HGD: variants seen among roughly 807,000 people sequenced by gnomAD.
HGD encodes homogentisate oxidase.
HGD carries 61 observed loss-of-function variants against 60.8 expected under a neutral mutation model. That is an observed-to-expected ratio of 1.00 (90% CI 0.82 to 1.24). HGD has a LOEUF of 1.24. Among genes scored for constraint, HGD ranks in the 50% most tolerant of loss-of-function variants. The probability of loss-of-function intolerance (pLI) is 0.00; values close to 1 mark genes in which losing one functional copy is unlikely to be tolerated. For missense variants in HGD, 542 were observed against 547.1 expected, an observed-to-expected ratio of 0.99 and a Z score of 0.09; for synonymous variants, 212 against 187.7, an observed-to-expected ratio of 1.13 and a Z score of -1.06.
rs568012164 is a variant in HGD, at chr3:120,670,156, T to C, written c.282+271A>G. The C allele has an allele frequency of 3.3e-4, 155 of 471,194 alleles. 1 individual carries two copies. The highest frequency in any genetic ancestry group is 2.8e-3 in the African/African-American group (145 of 51,244). The allele number at this position is 471,194 out of a possible 1,614,324, so 29.2% of individuals were successfully genotyped here. On this transcript the variant is annotated intron_variant, in intron 4 of 13. Coordinates refer to ENST00000283871, the MANE Select transcript of HGD (RefSeq NM_000187.4). ...TTCCCTTTCCGCCATGATTGTAAGT[T>C]TCTTGAGGCCTCCTCAGCCATGCAG...
intron 10 of HGD, among the ~76,000 whole-genome samples, chr3:120,643,751 A>G (rs1268652615): frequency 6.6e-6 from 1 of 152,172 alleles, no homozygotes; most frequent in East Asian, 1.9e-4. Context: ...GTAATATATT[A>G]TGTTATAGAG....
Position 120,628,772 on chromosome 3 carries a change from T to C in HGD, c.1189-243A>G, listed in dbSNP as rs554673065. 2.6e-5 allele frequency among the ~76,000 whole-genome samples: 4 copies of C among 152,316 alleles called. No individual in the cohort carries two copies. In the South Asian group the frequency reaches 6.2e-4, roughly 24 times the overall value. ...TCTCAGGGCCTCAAGTTTCATTCTG[T>C]AAAATAAAATTCAGCCCTTAAGCTT... On this transcript the variant is annotated intron_variant, in intron 13 of 13. Transcript: ENST00000283871.
chr3:120,666,541 G>T (rs1707903674), intron 4 of HGD, among the ~76,000 whole-genome samples: 1 of 152,098 alleles, frequency 6.6e-6, no homozygotes, highest in South Asian at 2.1e-4. Flanking sequence ...GTAGTCCAAT[G>T]GTGCAATCTT....
chr3:120,679,116 G>C (rs1299855458), intron 1 of HGD, among the ~76,000 whole-genome samples: 1 of 152,206 alleles, frequency 6.6e-6, no homozygotes, highest in African/African-American at 2.4e-5. Context: ...ATAAATTCCT[G>C]AGCTCCATGT....
At chr3:120,636,949 A>G (rs1236759791) in intron 12 of HGD, among the ~76,000 whole-genome samples, 1 of 152,188 alleles carries the variant, frequency 6.6e-6, no homozygotes, top group Non-Finnish European at 1.5e-5. Flanking sequence ...TTCCAGGTGG[A>G]ATGCCTCTTA....
chr3:120,659,958 T>G (rs1941612902), intron 4 of HGD, among the ~76,000 whole-genome samples: 1 of 145,940 alleles, frequency 6.9e-6, no homozygotes, highest in South Asian at 2.2e-4. Context: ...GGTGGTTGCA[T>G]AATGGGGGTG....
chr3:120,677,992 C>T (rs1469209669), intron 1 of HGD: 1 of 152,178 alleles, frequency 6.6e-6, no homozygotes, highest in East Asian at 1.9e-4. Context: ...CAACAACAGT[C>T]TGTATTTGGA....
intron 12 of HGD, among the ~76,000 whole-genome samples, chr3:120,634,748 G>T (rs1035409416): frequency 6.6e-6 from 1 of 152,102 alleles, no homozygotes; most frequent in Non-Finnish European, 1.5e-5. Context: ...GCTTACATGT[G>T]AAGTATAACC....
intron 4 of HGD, among the ~76,000 whole-genome samples, chr3:120,656,563 T>TG (rs540184739): frequency 0.48 from 71,812 of 148,614 alleles, 18,046 homozygotes; most frequent in East Asian, 0.62. Context: ...ATCTTTTTTT[T>TG]GGGGGGGGGT....
intron 12 of HGD, among the ~76,000 whole-genome samples, chr3:120,637,222 T>G (rs1223379179): frequency 6.6e-6 from 1 of 151,180 alleles, no homozygotes; most frequent in Non-Finnish European, 1.5e-5. Flanking sequence ...TCAGACAGCC[T>G]GCAATTAAAT....
chr3:120,645,215 T>C (rs547018543), intron 9 of HGD, among the ~76,000 whole-genome samples: 7 of 152,266 alleles, frequency 4.6e-5, no homozygotes, highest in African/African-American at 1.2e-4. Context: ...ATGCTGACTA[T>C]AGAGCAGCAG....
At chr3:120,662,551 A>G (rs1454286995) in intron 4 of HGD, among the ~76,000 whole-genome samples, 1 of 152,162 alleles carries the variant, frequency 6.6e-6, no homozygotes, top group East Asian at 1.9e-4. Context: ...ATTTTCAACA[A>G]GTCCCCTGGT....
chr3:120,664,129 T>A (rs1171993049), intron 4 of HGD, among the ~76,000 whole-genome samples: 1 of 151,834 alleles, frequency 6.6e-6, no homozygotes, highest in East Asian at 1.9e-4. Context: ...CCAAATGGGG[T>A]AGGGGATCTA....
intron 10 of HGD, among the ~76,000 whole-genome samples, chr3:120,643,835 TG>T (rs1330397412): frequency 1.3e-5 from 2 of 152,236 alleles, no homozygotes; most frequent in African/African-American, 2.4e-5. Context: ...GCCAGCCTGG[TG>T]GTACAAACCA....
At chr3:120,672,860 C>G (rs562904736) in intron 3 of HGD, among the ~76,000 whole-genome samples, 5 of 152,318 alleles carry the variant, frequency 3.3e-5, no homozygotes, top group Non-Finnish European at 7.3e-5. Context: ...ATTTTTATCA[C>G]AGTCCACATT....
At chr3:120,653,871 AT>A (rs1313098037) in intron 4 of HGD, among the ~76,000 whole-genome samples, 3 of 152,144 alleles carry the variant, frequency 2.0e-5, no homozygotes, top group Admixed American at 2.0e-4. Flanking sequence ...TGTTCTGTGC[AT>A]TGTGGGATGC....
chr3:120,644,685 C>A, intron 9 of HGD: 2 of 1,349,406 alleles, frequency 1.5e-6, no homozygotes, highest in South Asian at 1.3e-5. Flanking sequence ...CTATGGTTAA[C>A]AAAACAATCT....
intron 10 of HGD, among the ~76,000 whole-genome samples, chr3:120,642,777 G>T (rs1459317778): frequency 6.6e-6 from 1 of 152,200 alleles, no homozygotes; most frequent in Non-Finnish European, 1.5e-5. Flanking sequence ...GGAAGCAGGG[G>T]AAGAAATATC....
At chr3:120,632,186 G>T (rs1226667355) in intron 13 of HGD, among the ~76,000 whole-genome samples, 2 of 152,122 alleles carry the variant, frequency 1.3e-5, no homozygotes, top group African/African-American at 4.8e-5. Context: ...CTGGCTCCAG[G>T]GTTGGGACTG....
Sources: gnomAD v4.1 joint callset for allele counts (sites outside exome capture counted in the v4.1 genomes callset) on GRCh38, gnomAD v4.1.1 for gene constraint, MANE v1.5 for transcripts, NCBI Gene and HGNC (gene_info 2026-07-23, HGNC 2026-07-21) for gene names.